MDGA2: variants seen among roughly 807,000 people sequenced by gnomAD.
MDGA2 encodes the protein MAM domain containing glycosylphosphatidylinositol anchor 2.
MDGA2 carries 40 observed loss-of-function variants against 117.8 expected under a neutral mutation model. The ratio of observed to expected loss-of-function variants is 0.34; its 90% CI spans 0.26 to 0.44. The LOEUF (loss-of-function observed/expected upper bound fraction) is 0.44, where lower values mean the gene tolerates loss of function less well. Ranked by LOEUF, MDGA2 falls within the 20% of genes least tolerant of loss-of-function variation. MDGA2 has a pLI of 1.00. For synonymous variants in MDGA2, 452 were observed against 439.0 expected, an observed-to-expected ratio of 1.03 and a Z score of -0.37; for missense variants, 1,123 against 1,250.6, an observed-to-expected ratio of 0.90 and a Z score of 1.54.
At chr14:47,153,324 A>G (rs1052260582) in intron 3 of MDGA2, among the ~76,000 whole-genome samples, 1 of 152,172 alleles carries the variant, frequency 6.6e-6, no homozygotes, top group Non-Finnish European at 1.5e-5. Context: ...GAACTGAACT[A>G]GGTGAGTGAT....
At chr14:47,527,458 T>C (rs74045106) in intron 1 of MDGA2, among the ~76,000 whole-genome samples, 6,786 of 152,134 alleles carry the variant, frequency 0.045, 501 homozygotes, top group African/African-American at 0.16. Context: ...ACAGTTATTA[T>C]AGAGGTTGTG....
chr14:47,566,771 C>T (rs1895927112), intron 1 of MDGA2, among the ~76,000 whole-genome samples: 2 of 151,938 alleles, frequency 1.3e-5, no homozygotes, highest in Admixed American at 6.6e-5. Context: ...CTCTTCAGCC[C>T]AGCATCTGTG....
At chr14:47,549,841 G>A (rs1229218985) in intron 1 of MDGA2, among the ~76,000 whole-genome samples, 3 of 152,134 alleles carry the variant, frequency 2.0e-5, no homozygotes, top group Admixed American at 6.5e-5. Flanking sequence ...CTGTCTATAA[G>A]CCAAGAAGAG....
intron 1 of MDGA2, among the ~76,000 whole-genome samples, chr14:47,342,597 A>C (rs1369784599): frequency 1.3e-5 from 2 of 152,126 alleles, no homozygotes; most frequent in African/African-American, 4.8e-5. Context: ...CTGTGATAGG[A>C]GTAGAAAATG....
At chr14:47,614,914 T>G (rs542768336) in intron 1 of MDGA2, among the ~76,000 whole-genome samples, 1 of 152,324 alleles carries the variant, frequency 6.6e-6, no homozygotes, top group African/African-American at 2.4e-5. Flanking sequence ...TATTAAGGAT[T>G]TGGCTCTGTA....
intron 7 of MDGA2, among the ~76,000 whole-genome samples, chr14:47,039,816 A>G (rs1888996185): frequency 6.6e-6 from 1 of 152,146 alleles, no homozygotes; most frequent in South Asian, 2.1e-4. Context: ...TATAATGACT[A>G]TTATTCAGTG....
intron 7 of MDGA2, among the ~76,000 whole-genome samples, chr14:47,042,327 TTG>T (rs1224005314): frequency 0.029 from 4,161 of 144,308 alleles, 88 homozygotes; most frequent in African/African-American, 0.05. Flanking sequence ...TTTTTTTTTT[TTG>T]TGTGTGTGTG....
intron 1 of MDGA2, among the ~76,000 whole-genome samples, chr14:47,572,127 T>G (rs762098842): frequency 6.6e-6 from 1 of 152,212 alleles, no homozygotes; most frequent in Non-Finnish European, 1.5e-5. Flanking sequence ...CTGAGGCTAT[T>G]CAATCCCATC....
intron 1 of MDGA2, among the ~76,000 whole-genome samples, chr14:47,486,800 C>T (rs544359948): frequency 6.6e-6 from 1 of 152,252 alleles, no homozygotes; most frequent in Admixed American, 6.5e-5. Flanking sequence ...TAACTTGCTC[C>T]CCCTTGCCTT....
chr14:46,982,236 A>T (rs2138386969), intron 8 of MDGA2, among the ~76,000 whole-genome samples: 2 of 152,352 alleles, frequency 1.3e-5, no homozygotes, highest in South Asian at 4.1e-4. Context: ...TGGTAACCGT[A>T]TAATTTATCT....
rs1336087888 is a variant in MDGA2 at position 47,218,097 on chromosome 14, T to A, written c.519A>T (p.Gln173His). The change falls in exon 3 of 17, where the codon CAA becomes CAT. Residue 173 changes from glutamine to histidine, a missense_variant. Physicochemically the swap from Gln to His is conservative, Grantham distance 24. This residue lies in a region of MDGA2 where 890 missense variants were observed against 1,050.3 expected (regional missense o/e 0.85). Transcript: ENST00000399232. ...TLRITNIQRH[Q>H]GGRYYCKAEN... ...CTGCTTTACAGTAATACCGGCCTCCTTGGTGTCGCTGAATATTTGTAATCC... is the reference window on the plus strand; with the variant it reads ...CTGCTTTACAGTAATACCGGCCTCCATGGTGTCGCTGAATATTTGTAATCC... 6.4e-7 allele frequency: 1 copy of A among 1,551,542 alleles called. No homozygotes were observed. The highest frequency in any genetic ancestry group is 8.7e-7 in the Non-Finnish European group (1 of 1,146,768).
chr14:46,967,797 A>T (rs1251749796), intron 8 of MDGA2, among the ~76,000 whole-genome samples: 2 of 152,166 alleles, frequency 1.3e-5, no homozygotes, highest in Admixed American at 6.5e-5. Context: ...ATAAATTTTC[A>T]TTTATTAATT....
chr14:46,874,844 A>T (rs955207932), intron 12 of MDGA2, among the ~76,000 whole-genome samples: 4 of 151,794 alleles, frequency 2.6e-5, no homozygotes, highest in African/African-American at 9.7e-5. Flanking sequence ...TGCCTAACGT[A>T]TGTTGAGTTC....
chr14:47,470,121 T>TTTA (rs1893691807), intron 1 of MDGA2, among the ~76,000 whole-genome samples: 1 of 28,296 alleles, frequency 3.5e-5, no homozygotes, highest in South Asian at 4.2e-3. Flanking sequence ...TTTATTTTTA[T>TTTA]TTTTTTTTTG....
intron 3 of MDGA2, among the ~76,000 whole-genome samples, chr14:47,211,407 T>C (rs1278094475): frequency 6.6e-6 from 1 of 152,106 alleles, no homozygotes; most frequent in Non-Finnish European, 1.5e-5. Context: ...AGTATGTGCT[T>C]CCTGTCTTCA....
At chr14:47,308,781 T>C (rs554589032) in intron 1 of MDGA2, among the ~76,000 whole-genome samples, 43 of 152,244 alleles carry the variant, frequency 2.8e-4, no homozygotes, top group African/African-American at 1.0e-3. Context: ...CAGCCATCCT[T>C]GGCATGTGCT....
intron 12 of MDGA2, among the ~76,000 whole-genome samples, chr14:46,875,156 G>A (rs1294504603): frequency 1.3e-5 from 2 of 151,632 alleles, no homozygotes; most frequent in Non-Finnish European, 3.0e-5. Context: ...AATGTCAAAT[G>A]GAATCCAAAT....
intron 1 of MDGA2, among the ~76,000 whole-genome samples, chr14:47,536,240 A>G (rs1294247285): frequency 1.3e-5 from 2 of 152,214 alleles, no homozygotes; most frequent in Non-Finnish European, 2.9e-5. Context: ...TCAAGCAAAT[A>G]CAAATTACCA....
At chr14:47,571,138 A>C (rs1896011016) in intron 1 of MDGA2, among the ~76,000 whole-genome samples, 1 of 152,240 alleles carries the variant, frequency 6.6e-6, no homozygotes, top group Non-Finnish European at 1.5e-5. Context: ...TTATGCAGCC[A>C]ACAAACATGA....
Sources: allele counts gnomAD v4.1 joint callset (sites outside exome capture counted in the v4.1 genomes callset), GRCh38; gene constraint gnomAD v4.1.1; regional missense constraint gnomAD v4.1.1; transcripts MANE v1.5; gene names NCBI Gene and HGNC (gene_info 2026-07-23, HGNC 2026-07-21).